ERC2: variants seen among roughly 807,000 people sequenced by gnomAD.
ERC2 encodes the protein ELKS/RAB6-interacting/CAST family member 2, also known as ERC protein 2.
A neutral mutation model predicts 114.8 loss-of-function variants in ERC2; 42 were observed. The ratio of observed to expected loss-of-function variants is 0.37; its 90% CI spans 0.29 to 0.47. The LOEUF is 0.47. Ranked by LOEUF, ERC2 falls within the 20% of genes least tolerant of loss-of-function variation. The pLI, the probability that ERC2 is intolerant of heterozygous loss-of-function variation, is 0.99. For missense variants in ERC2, 939 were observed against 1,150.7 expected (o/e 0.82, Z 2.66); for synonymous variants, 454 against 425.5 (o/e 1.07, Z -0.82).
chr3:55,726,022 A>G (rs1214466498), intron 15 of ERC2, among the ~76,000 whole-genome samples: 2 of 152,222 alleles, frequency 1.3e-5, no homozygotes, highest in African/African-American at 4.8e-5. Context: ...CTCCATAAGA[A>G]TAACCTGCCA....
At chr3:55,873,807 C>A (rs1343660349) in intron 14 of ERC2, among the ~76,000 whole-genome samples, 7 of 152,192 alleles carry the variant, frequency 4.6e-5, no homozygotes, top group Admixed American at 3.9e-4. Flanking sequence ...AATGTAGCTC[C>A]CAGACACATC....
chr3:56,408,333 G>A (rs1037548767), intron 2 of ERC2, among the ~76,000 whole-genome samples: 6 of 152,214 alleles, frequency 3.9e-5, no homozygotes, highest in Admixed American at 6.5e-5. Context: ...CTGAAGCACA[G>A]ACAGTTGCTT....
chr3:56,083,312 G>C (rs2077336504), intron 6 of ERC2, among the ~76,000 whole-genome samples: 1 of 152,182 alleles, frequency 6.6e-6, no homozygotes, highest in South Asian at 2.1e-4. Flanking sequence ...TGGCATGACT[G>C]TGTTTCCATT....
rs117078119 is a variant in ERC2, at chr3:55,744,947, T to C, written c.2565-10029A>G. Among the ~76,000 whole-genome samples, 983 of 152,324 alleles carry C rather than the reference T, an allele frequency of 6.5e-3. 32 individuals are homozygous for C. In the East Asian group the frequency reaches 0.099, roughly 15 times the overall value. On this transcript the variant is annotated intron_variant, in intron 14 of 17. Transcript: ENST00000288221. ...CACACAAGAAATGCTAGCATTTGCT[T>C]ATTAAATGACACAGACCCCACCAAA...
chr3:56,032,924 A>AG (rs1491199607), intron 7 of ERC2, among the ~76,000 whole-genome samples: 9 of 92,692 alleles, frequency 9.7e-5, no homozygotes, highest in South Asian at 4.6e-4. Flanking sequence ...AGAAAGAAAG[A>AG]AAGAAAGAAA....
At chr3:55,545,980 A>C (rs2107374819) in intron 17 of ERC2, among the ~76,000 whole-genome samples, 1 of 152,290 alleles carries the variant, frequency 6.6e-6, no homozygotes, top group South Asian at 2.1e-4. Flanking sequence ...TTACTCAGTA[A>C]TGCTGTGAGA....
intron 2 of ERC2, among the ~76,000 whole-genome samples, chr3:56,314,915 C>A (rs929808803): frequency 1.3e-5 from 2 of 152,168 alleles, no homozygotes; most frequent in Non-Finnish European, 2.9e-5. Context: ...CTCCATGTAC[C>A]AGTCTTATTT....
chr3:55,533,416 T>C (rs1165461660), intron 17 of ERC2, among the ~76,000 whole-genome samples: 2 of 152,208 alleles, frequency 1.3e-5, no homozygotes, highest in Non-Finnish European at 2.9e-5. Flanking sequence ...GGAACCAACG[T>C]TTGCTGCATG....
At chr3:55,922,109 C>A (rs959869478) in intron 13 of ERC2, among the ~76,000 whole-genome samples, 1 of 152,146 alleles carries the variant, frequency 6.6e-6, no homozygotes, top group Non-Finnish European at 1.5e-5. Context: ...AACTTTCTAG[C>A]AACTGTCTCA....
intron 17 of ERC2, among the ~76,000 whole-genome samples, chr3:55,610,174 G>A (rs997469840): frequency 1.3e-5 from 2 of 150,186 alleles, no homozygotes; most frequent in Admixed American, 6.6e-5. Context: ...TTTGTGCAAT[G>A]TAGGATATTC....
Position 56,098,209 on chromosome 3 carries a change from G to A in ERC2, c.1474-17225C>T, listed in dbSNP as rs569676021. Among the ~76,000 whole-genome samples, 55 of 152,262 alleles carry A rather than the reference G, an allele frequency of 3.6e-4. No homozygotes were observed. The South Asian group carries it at 0.011, about 29-fold the overall frequency. The stretch of plus-strand genomic sequence containing the variant: ...GCATTTCAAATGCAAGCAAGTTTGC[G>A]CAAAGACAAGTAAGGATGTTTTCAG... On this transcript the variant is annotated intron_variant, in intron 6 of 17. Transcript: ENST00000288221.
chr3:56,423,116 G>A (rs2061445732), intron 2 of ERC2, among the ~76,000 whole-genome samples: 1 of 152,178 alleles, frequency 6.6e-6, no homozygotes, highest in Non-Finnish European at 1.5e-5. Flanking sequence ...TCCATAATTG[G>A]AAGAATACAT....
chr3:56,090,802 C>CT (rs34327028), intron 6 of ERC2, among the ~76,000 whole-genome samples: 141,184 of 150,594 alleles, frequency 0.94, 66,402 homozygotes, highest in South Asian at 1. Context: ...TACCCTTCCT[C>CT]TTTTTTTTAT....
At chr3:55,711,916 C>T (rs1475779420) in intron 15 of ERC2, among the ~76,000 whole-genome samples, 1 of 152,192 alleles carries the variant, frequency 6.6e-6, no homozygotes, top group Non-Finnish European at 1.5e-5. Flanking sequence ...GGAAGGATAT[C>T]ACCAAATTCC....
chr3:56,304,203 T>C (rs2056077640), intron 2 of ERC2, among the ~76,000 whole-genome samples: 3 of 152,058 alleles, frequency 2.0e-5, no homozygotes, highest in Admixed American at 2.0e-4. Flanking sequence ...AAAGACACAA[T>C]GGAGATAAGC....
intron 14 of ERC2, among the ~76,000 whole-genome samples, chr3:55,744,250 A>G (rs1218441319): frequency 6.6e-6 from 1 of 152,098 alleles, no homozygotes; most frequent in Non-Finnish European, 1.5e-5. Context: ...TAAAAATACA[A>G]AAAATTAGCT....
intron 17 of ERC2, among the ~76,000 whole-genome samples, chr3:55,567,001 G>A (rs992523716): frequency 3.8e-4 from 58 of 152,256 alleles, no homozygotes; most frequent in African/African-American, 1.3e-3. Flanking sequence ...GTGCCTGACC[G>A]ATAATTAATT....
chr3:55,964,028 T>C (rs2068573164), intron 12 of ERC2, among the ~76,000 whole-genome samples: 1 of 152,192 alleles, frequency 6.6e-6, no homozygotes, highest in South Asian at 2.1e-4. Context: ...ATTTTCCAAA[T>C]TAGAGTATGG....
intron 7 of ERC2, among the ~76,000 whole-genome samples, chr3:56,069,317 G>A (rs2076621456): frequency 6.6e-6 from 1 of 152,160 alleles, no homozygotes; most frequent in Admixed American, 6.6e-5. Context: ...TCCATGAGAG[G>A]TTTGGGAACT....
Sources: allele counts gnomAD v4.1 joint callset (sites outside exome capture counted in the v4.1 genomes callset), GRCh38; gene constraint gnomAD v4.1.1; transcripts MANE v1.5; gene names NCBI Gene and HGNC (gene_info 2026-07-23, HGNC 2026-07-21).